Variants in PGBD2 observed in about 807,000 individuals in gnomAD.
PGBD2 encodes the protein piggyBac transposable element-derived protein 2.
PGBD2 carries 6 observed loss-of-function variants against 8.1 expected under a neutral mutation model. The ratio of observed to expected loss-of-function variants is 0.74; its 90% confidence interval spans 0.40 to 1.46. PGBD2 has a LOEUF of 1.46. Ranked by LOEUF, PGBD2 falls within the 40% of genes most tolerant of loss-of-function variation. The pLI is 0.02. For synonymous variants in PGBD2, 318 were observed against 272.2 expected (o/e 1.17, Z -1.66); for missense variants, 802 against 739.0 (o/e 1.09, Z -0.99).
chr1:248,905,791 G>A (rs182086390), upstream of PGBD2, among the ~76,000 whole-genome samples: 883 of 152,304 alleles, frequency 5.8e-3, 2 homozygotes, highest in Non-Finnish European at 9.1e-3. Flanking sequence ...TACAGCAGTG[G>A]TTCTCAAGCC....
At chr1:248,921,545 G>A (rs139187288), downstream of PGBD2, among the ~76,000 whole-genome samples, 1,286 of 152,286 alleles carry the variant, frequency 8.4e-3, 26 homozygotes, top group African/African-American at 0.029. Flanking sequence ...TAGCCTTGTA[G>A]TAGAGTTTGA....
the PGBD2 span, among the ~76,000 whole-genome samples, chr1:248,926,427 C>A: frequency 6.6e-6 from 1 of 152,180 alleles, no homozygotes; most frequent in Admixed American, 6.5e-5. Context: ...TGCATTCCTG[C>A]TAAGTCATGG....
rs1469579507 is a variant in PGBD2, at chr1:248,918,365, A to C, written c.*2A>C. The C allele has an allele frequency of 6.5e-7, 1 of 1,530,770 alleles. No homozygotes were observed. Among genetic ancestry groups the C allele is most frequent in the African/African-American group, 1.4e-5 (1 of 72,224 alleles). 94.8% of individuals were successfully genotyped at this position (1,530,770 alleles called of 1,614,324 possible). A position where few individuals can be genotyped will look rare whatever the true frequency, so the allele number is the denominator to read the frequency against. ...TTCAGGGAGTACCACATCCGGTGAC[A>C]TCATGAGACATGCTTCTTTGGTTTA... On this transcript the variant is annotated 3_prime_UTR_variant, in exon 3 of 3. Coordinates refer to ENST00000329291, the MANE Select transcript of PGBD2 (RefSeq NM_170725.3).
chr1:248,906,720 A>G (rs1476049610), intron 1 of PGBD2, among the ~76,000 whole-genome samples: 1 of 149,920 alleles, frequency 6.7e-6, no homozygotes, highest in African/African-American at 2.5e-5. Flanking sequence ...GGGACTGCGA[A>G]TGCCACGTCA....
chr1:248,874,902 A>T, the PGBD2 span, among the ~76,000 whole-genome samples: 1 of 129,396 alleles, frequency 7.7e-6, no homozygotes, highest in African/African-American at 2.9e-5. Context: ...ATAGGTAGAT[A>T]GAGATAGATA....
At chr1:248,919,686 A>C (rs1426756573), downstream of PGBD2, 1 of 166,436 alleles carries the variant, frequency 6.0e-6, no homozygotes, top group Non-Finnish European at 1.5e-5. Context: ...TAGAGGTTGT[A>C]CTAATTTACA....
the PGBD2 span, among the ~76,000 whole-genome samples, chr1:248,925,555 C>T: frequency 6.6e-6 from 1 of 151,526 alleles, no homozygotes; most frequent in Non-Finnish European, 1.5e-5. Flanking sequence ...TATTTTCTAA[C>T]CTCTGCTACC....
upstream of PGBD2, among the ~76,000 whole-genome samples, chr1:248,903,893 C>G (rs929462015): frequency 6.6e-6 from 1 of 152,164 alleles, no homozygotes; most frequent in African/African-American, 2.4e-5. Context: ...GCTTTAATTG[C>G]TGCTATGTAC....
chr1:248,928,620 T>C, the PGBD2 span, among the ~76,000 whole-genome samples: 2 of 152,192 alleles, frequency 1.3e-5, no homozygotes, highest in Non-Finnish European at 2.9e-5. Context: ...TAATCTGTTC[T>C]CTTTCCACTG....
At chr1:248,891,746 C>A in the PGBD2 span, among the ~76,000 whole-genome samples, 1 of 152,278 alleles carries the variant, frequency 6.6e-6, no homozygotes. Context: ...ATGGCTTGAG[C>A]CCTGAAGGTT....
At chr1:248,922,257 C>A (rs572451011), downstream of PGBD2, among the ~76,000 whole-genome samples, 1 of 152,160 alleles carries the variant, frequency 6.6e-6, no homozygotes, top group East Asian at 1.9e-4. Context: ...GACGGGGTTT[C>A]ACCGTGTTAG....
chr1:248,878,539 G>T, the PGBD2 span, among the ~76,000 whole-genome samples: 2,061 of 152,192 alleles, frequency 0.014, 49 homozygotes, highest in African/African-American at 0.046. Flanking sequence ...CTCTTATAAA[G>T]ACTTTCTCTC....
At chr1:248,890,089 A>G in the PGBD2 span, among the ~76,000 whole-genome samples, 5,256 of 151,700 alleles carry the variant, frequency 0.035, 297 homozygotes, top group African/African-American at 0.12. Context: ...CACCACGCCC[A>G]GCTAATTTTG....
intron 1 of PGBD2, among the ~76,000 whole-genome samples, chr1:248,909,875 C>T (rs1014901995): frequency 5.9e-5 from 9 of 152,164 alleles, no homozygotes; most frequent in African/African-American, 1.4e-4. Flanking sequence ...AGAGGCAGAA[C>T]TGGGTCGGGA....
chr1:248,873,935 C>CT, the PGBD2 span, among the ~76,000 whole-genome samples: 1 of 152,134 alleles, frequency 6.6e-6, no homozygotes, highest in East Asian at 1.9e-4. Context: ...CGGATGGAGG[C>CT]GTGGGTTCGA....
upstream of PGBD2, among the ~76,000 whole-genome samples, chr1:248,901,371 A>T (rs372251414): frequency 6.6e-6 from 1 of 152,246 alleles, no homozygotes; most frequent in South Asian, 2.1e-4. Context: ...CCAAGACAGC[A>T]TGGTACTGGT....
At chr1:248,904,529 G>C (rs974916466), upstream of PGBD2, among the ~76,000 whole-genome samples, 3 of 152,122 alleles carry the variant, frequency 2.0e-5, no homozygotes, top group African/African-American at 7.2e-5. Context: ...TAAAGGTATG[G>C]AAGAAACAGC....
chr1:248,918,368 A>T lies in PGBD2; in HGVS notation c.*5A>T. On this transcript the variant is annotated 3_prime_UTR_variant, in exon 3 of 3. Coordinates refer to ENST00000329291, the MANE Select transcript of PGBD2 (RefSeq NM_170725.3). ...AGGGAGTACCACATCCGGTGACATC[A>T]TGAGACATGCTTCTTTGGTTTATAA... 1 of 1,530,510 alleles carries T rather than the reference A, an allele frequency of 6.5e-7. No individual in the cohort carries two copies. The highest frequency in any genetic ancestry group is 8.8e-7 in the Non-Finnish European group (1 of 1,140,536). The allele number at this position is 1,530,510 out of a possible 1,614,324, so 94.8% of individuals were successfully genotyped here.
At chr1:248,880,368 A>G in the PGBD2 span, among the ~76,000 whole-genome samples, 2 of 152,210 alleles carry the variant, frequency 1.3e-5, no homozygotes, top group Non-Finnish European at 2.9e-5. Context: ...TCAGATGCTT[A>G]GTGGTTAGGG....
Sources: gnomAD v4.1 joint callset for allele counts (sites outside exome capture counted in the v4.1 genomes callset) on GRCh38, gnomAD v4.1.1 for gene constraint, MANE v1.5 for transcripts, NCBI Gene and HGNC (gene_info 2026-07-23, HGNC 2026-07-21) for gene names.